The following B3GAT2 variants were observed in gnomAD, a reference collection of about 807,000 sequenced individuals.
B3GAT2 encodes the protein beta-1,3-glucuronyltransferase 2.
In B3GAT2, 26 loss-of-function variants were observed where a neutral mutation model predicts 27.8. That is an observed-to-expected ratio of 0.93 (90% CI 0.68 to 1.30). The LOEUF (loss-of-function observed/expected upper bound fraction) is 1.30. Among genes scored for constraint, B3GAT2 ranks in the 50% most tolerant of loss-of-function variants. The probability of loss-of-function intolerance (pLI) is 0.00; values close to 1 mark genes in which losing one functional copy is unlikely to be tolerated. For synonymous variants in B3GAT2, 218 were observed against 195.1 expected (o/e 1.12, Z -0.98); for missense variants, 458 against 459.0 (o/e 1.00, Z 0.02).
chr6:70,938,708 A>G (rs1462185965), intron 1 of B3GAT2, among the ~76,000 whole-genome samples: 1 of 152,108 alleles, frequency 6.6e-6, no homozygotes, highest in Non-Finnish European at 1.5e-5. Context: ...CATATGTAGA[A>G]AGCTGAAACT....
intron 2 of B3GAT2, among the ~76,000 whole-genome samples, chr6:70,877,884 A>G (rs1192587802): frequency 6.6e-6 from 1 of 152,184 alleles, no homozygotes; most frequent in African/African-American, 2.4e-5. Context: ...GCACAGGGAG[A>G]GACTGGCCAG....
intron 1 of B3GAT2, among the ~76,000 whole-genome samples, chr6:70,938,474 G>T (rs1299205441): frequency 1.3e-5 from 2 of 151,888 alleles, no homozygotes; most frequent in African/African-American, 4.8e-5. Context: ...GAACAAAGCT[G>T]GAGGCATCAC....
chr6:70,931,489 T>C (rs1309655827), intron 1 of B3GAT2, among the ~76,000 whole-genome samples: 1 of 152,160 alleles, frequency 6.6e-6, no homozygotes, highest in Non-Finnish European at 1.5e-5. Context: ...CAGCTATATT[T>C]GGGCAGCAGG....
At position 70,894,261 on chromosome 6, in the gene B3GAT2, G is replaced by C. The variant is rs559747245; in HGVS notation, c.603C>G (p.Thr201=). 1 of 1,589,476 alleles carries C rather than the reference G, an allele frequency of 6.3e-7. No homozygotes were observed. The highest frequency in any genetic ancestry group is 1.8e-5 in the Admixed American group (1 of 54,154). The change falls in exon 2 of 4, where the codon ACC becomes ACG. Residue 201 remains threonine (T), a synonymous_variant. Transcript: ENST00000230053. ...CCACAGGCCAGACGGAGACCTTGCG[G>C]GTGGTTCGCATCTATAAAAAGGGAA... ...SLELFQEMRT[T]RKVSVWPVGL... is the part of the protein sequence containing the mutation.
chr6:70,951,264 T>A (rs561851236), intron 1 of B3GAT2, among the ~76,000 whole-genome samples: 1 of 152,164 alleles, frequency 6.6e-6, no homozygotes. Flanking sequence ...AATAAGACCA[T>A]TGACTTTGGA....
Position 70,955,719 on chromosome 6 carries a change from G to A in B3GAT2, c.591+120C>T, listed in dbSNP as rs1765643217. Reference sequence around the variant, plus strand: ...GCTCCACTCGGTGCCCCGAATGCGCGCACGGAGAACTGAGAACTCAAAAGT... The same window carrying A: ...GCTCCACTCGGTGCCCCGAATGCGCACACGGAGAACTGAGAACTCAAAAGT... On this transcript the variant is annotated intron_variant, in intron 1 of 3. Transcript: ENST00000230053. The A allele has an allele frequency of 4.2e-6, 5 of 1,199,780 alleles. No individual in the cohort carries two copies. The South Asian group carries it at 8.6e-5, about 21-fold the overall frequency. 74.3% of individuals were successfully genotyped at this position (1,199,780 alleles called of 1,614,324 possible). A position where few individuals can be genotyped will look rare whatever the true frequency, so the allele number is the denominator to read the frequency against.
intron 1 of B3GAT2, among the ~76,000 whole-genome samples, chr6:70,912,610 A>G (rs1333509359): frequency 6.6e-6 from 1 of 151,464 alleles, no homozygotes; most frequent in Non-Finnish European, 1.5e-5. Context: ...TGTCTCTCCC[A>G]GTTTTCGTTA....
chr6:70,926,790 G>A (rs1252328693), intron 1 of B3GAT2, among the ~76,000 whole-genome samples: 1 of 152,170 alleles, frequency 6.6e-6, no homozygotes. Context: ...AACCTAGCAA[G>A]GCAGGCCAAC....
At chr6:70,880,878 C>G (rs1463980375) in intron 2 of B3GAT2, among the ~76,000 whole-genome samples, 2 of 152,070 alleles carry the variant, frequency 1.3e-5, no homozygotes, top group Non-Finnish European at 2.9e-5. Context: ...GTTGGCCAGG[C>G]TGGTGGTCTC....
At chr6:70,895,997 T>G (rs1582362048) in intron 1 of B3GAT2, among the ~76,000 whole-genome samples, 1 of 152,152 alleles carries the variant, frequency 6.6e-6, no homozygotes, top group East Asian at 1.9e-4. Context: ...CCTTATAAGG[T>G]TATTTTATCT....
At chr6:70,952,527 T>C (rs139836712) in intron 1 of B3GAT2, among the ~76,000 whole-genome samples, 2 of 152,308 alleles carry the variant, frequency 1.3e-5, no homozygotes, top group East Asian at 3.9e-4. Context: ...TTATCTGTAG[T>C]TGTGGCTTTT....
intron 1 of B3GAT2, among the ~76,000 whole-genome samples, chr6:70,905,628 G>A (rs1366594457): frequency 5.3e-5 from 8 of 152,106 alleles, no homozygotes; most frequent in Non-Finnish European, 1.0e-4. Flanking sequence ...CATGTTGCTC[G>A]CCTCTGTGGC....
chr6:70,915,737 C>A (rs541862440), intron 1 of B3GAT2, among the ~76,000 whole-genome samples: 2 of 152,166 alleles, frequency 1.3e-5, no homozygotes, highest in South Asian at 2.1e-4. Flanking sequence ...ATTTCTGAGG[C>A]CTCTGTTCTA....
intron 2 of B3GAT2, among the ~76,000 whole-genome samples, chr6:70,866,613 G>A (rs566005651): frequency 2.6e-5 from 4 of 152,070 alleles, no homozygotes; most frequent in African/African-American, 9.6e-5. Context: ...GAGTAAACTC[G>A]AACACATAAT....
intron 1 of B3GAT2, among the ~76,000 whole-genome samples, chr6:70,927,942 C>T (rs964591251): frequency 6.6e-6 from 1 of 152,170 alleles, no homozygotes; most frequent in African/African-American, 2.4e-5. Context: ...GGAAGTAAGG[C>T]ACTCCTCAGC....
intron 1 of B3GAT2, among the ~76,000 whole-genome samples, chr6:70,944,054 C>G (rs1257479523): frequency 2.0e-5 from 3 of 152,164 alleles, no homozygotes; most frequent in Non-Finnish European, 2.9e-5. Context: ...ACATTATAGT[C>G]TACACAACAA....
chr6:70,893,404 A>AT (rs34873705), intron 2 of B3GAT2, among the ~76,000 whole-genome samples: 45,094 of 145,062 alleles, frequency 0.31, 7,365 homozygotes, highest in East Asian at 0.44. Context: ...ATGTCACCGA[A>AT]TTTTTTTTTT....
intron 1 of B3GAT2, among the ~76,000 whole-genome samples, chr6:70,935,463 T>A (rs548299310): frequency 4.0e-4 from 60 of 151,888 alleles, no homozygotes; most frequent in Admixed American, 7.2e-4. Context: ...CACTTAAAAA[T>A]ATATATATGT....
intron 1 of B3GAT2, among the ~76,000 whole-genome samples, chr6:70,903,111 A>G (rs888681958): frequency 3.3e-5 from 5 of 152,122 alleles, no homozygotes; most frequent in Admixed American, 2.0e-4. Flanking sequence ...ATCATGTTAT[A>G]CAATATAAAT....
Sources: gnomAD v4.1 joint callset for allele counts (sites outside exome capture counted in the v4.1 genomes callset) on GRCh38, gnomAD v4.1.1 for gene constraint, MANE v1.5 for transcripts, NCBI Gene and HGNC (gene_info 2026-07-23, HGNC 2026-07-21) for gene names.